CARF: variants seen among roughly 807,000 people sequenced by gnomAD.
CARF encodes the protein calcium-responsive transcription factor.
CARF carries 57 observed loss-of-function variants against 82.0 expected under a neutral mutation model. The ratio of observed to expected loss-of-function variants is 0.70; its 90% CI spans 0.56 to 0.87. The LOEUF (loss-of-function observed/expected upper bound fraction) is 0.87, where lower values mean the gene tolerates loss of function less well. Ranked by LOEUF, CARF falls within the 40% of genes least tolerant of loss-of-function variation. CARF has a pLI of 0.00. For synonymous variants in CARF, 268 were observed against 290.1 expected (o/e 0.92, Z 0.77); for missense variants, 771 against 855.8 (o/e 0.90, Z 1.24).
intron 3 of CARF, among the ~76,000 whole-genome samples, chr2:202,927,124 C>T (rs1452523219): frequency 2.0e-5 from 3 of 151,964 alleles, no homozygotes; most frequent in Admixed American, 6.6e-5. Context: ...CTTATTTGTG[C>T]TTTTTTTTCT....
intron 10 of CARF, among the ~76,000 whole-genome samples, chr2:202,969,485 G>T (rs1487752264): frequency 2.0e-5 from 3 of 152,166 alleles, no homozygotes; most frequent in Admixed American, 2.0e-4. Context: ...TGAGGCAGGA[G>T]AATCACTGGA....
chr2:202,960,306 A>G (rs536694579), intron 8 of CARF, among the ~76,000 whole-genome samples: 7 of 151,592 alleles, frequency 4.6e-5, no homozygotes, highest in East Asian at 2.0e-4. Flanking sequence ...CTGGAGCGCA[A>G]TGGCACAATC....
At position 202,986,881 on chromosome 2, in the gene CARF, T is replaced by TGTATATATAC. The variant is rs2060448417; in HGVS notation, c.*3257_*3258insGTATATATAC. On this transcript the variant is annotated 3_prime_UTR_variant, in exon 17 of 17. Coordinates refer to ENST00000438828, the MANE Select transcript of CARF (RefSeq NM_024744.17). Reference sequence around the variant, plus strand: ...AAATGTCTGTGCGTATATATATATATATATATATATATATATATATATATA... The same window carrying TGTATATATAC: ...AAATGTCTGTGCGTATATATATATATGTATATATACATATATATATATATATATATATATA... The TGTATATATAC allele has an allele frequency of 1.7e-5, 2 of 118,604 alleles. No individual in the cohort carries two copies. Among genetic ancestry groups the TGTATATATAC allele is most frequent in the Non-Finnish European group, 3.7e-5 (2 of 54,182 alleles). 7.3% of individuals were successfully genotyped at this position (118,604 alleles called of 1,614,324 possible). A position where few individuals can be genotyped will look rare whatever the true frequency, so the allele number is the denominator to read the frequency against.
At chr2:202,964,536 C>T (rs1268571492) in intron 9 of CARF, among the ~76,000 whole-genome samples, 1 of 152,080 alleles carries the variant, frequency 6.6e-6, no homozygotes, top group African/African-American at 2.4e-5. Context: ...CCACTTCAGC[C>T]TCCCAAAGTG....
In CARF at chr2:202,912,794, G is replaced by C. The variant is rs910575761; in HGVS notation, c.-638G>C. The C allele has an allele frequency of 6.6e-6, 1 of 151,668 alleles. No homozygotes were observed. The highest frequency in any genetic ancestry group is 2.4e-5 in the African/African-American group (1 of 41,346). 9.4% of individuals were successfully genotyped at this position (151,668 alleles called of 1,614,324 possible). On this transcript the variant is annotated 5_prime_UTR_variant, in exon 1 of 17. Transcript: ENST00000438828. ...CGCCCAATGTGTGGTCCCTCACGCCGTCCCGCACCTTGCTTTTTAGGGTTC... is the reference window on the plus strand; with the variant it reads ...CGCCCAATGTGTGGTCCCTCACGCCCTCCCGCACCTTGCTTTTTAGGGTTC...
chr2:202,981,874 T>C (rs1312677041), intron 15 of CARF, among the ~76,000 whole-genome samples, 189 bp downstream of exon 15: 1 of 152,250 alleles, frequency 6.6e-6, no homozygotes, highest in Non-Finnish European at 1.5e-5. Flanking sequence ...TTTTTAAAAG[T>C]TTAAAGTTGA....
intron 1 of CARF, among the ~76,000 whole-genome samples, chr2:202,913,663 T>G (rs1689078146): frequency 6.6e-6 from 1 of 152,234 alleles, no homozygotes; most frequent in African/African-American, 2.4e-5. Flanking sequence ...TAAATAAGTC[T>G]TGGGCATCTG....
intron 1 of CARF, among the ~76,000 whole-genome samples, chr2:202,915,626 C>T (rs752124234): frequency 6.6e-5 from 10 of 152,160 alleles, no homozygotes; most frequent in African/African-American, 9.7e-5. Flanking sequence ...CACGCCACCA[C>T]GCCCAGCTAA....
At chr2:202,952,821 T>G (rs1196513227) in intron 6 of CARF, 142 bp downstream of exon 6, 2 of 822,188 alleles carry the variant, frequency 2.4e-6, no homozygotes, top group Admixed American at 3.2e-5. Context: ...AACAGCTCTT[T>G]GCCCAAATAA....
At chr2:202,913,867 A>T (rs1689109331) in intron 1 of CARF, among the ~76,000 whole-genome samples, 1 of 152,226 alleles carries the variant, frequency 6.6e-6, no homozygotes, top group Non-Finnish European at 1.5e-5. Flanking sequence ...TTGATTTGAA[A>T]ATTATGATCA....
intron 12 of CARF, among the ~76,000 whole-genome samples, chr2:202,972,436 T>C (rs2059826762): frequency 6.6e-6 from 1 of 151,964 alleles, no homozygotes; most frequent in Non-Finnish European, 1.5e-5. Flanking sequence ...CCCAGCACTT[T>C]GGGAGTCCGA....
At position 202,912,864 on chromosome 2, in the gene CARF, G is replaced by GA. The variant is rs1282641874; in HGVS notation, c.-564dup. The GA allele has an allele frequency of 6.6e-6, 1 of 152,036 alleles. No individual in the cohort carries two copies. The highest frequency in any genetic ancestry group is 2.4e-5 in the African/African-American group (1 of 41,400). The allele number at this position is 152,036 out of a possible 1,614,324, so 9.4% of individuals were successfully genotyped here. On this transcript the variant is annotated 5_prime_UTR_variant, in exon 1 of 17. Coordinates refer to ENST00000438828, the MANE Select transcript of CARF (RefSeq NM_024744.17). ...CTTTTATACCTTACGTTTAGAAGGG[G>GA]AAAATCATCCTCCCACACCTTCTCC...
At chr2:202,919,585 G>C (rs1298045503) in intron 2 of CARF, among the ~76,000 whole-genome samples, 2 of 152,148 alleles carry the variant, frequency 1.3e-5, no homozygotes, top group Admixed American at 6.5e-5. Context: ...TTTTTTGTAT[G>C]TTACGGTACT....
chr2:202,924,979 C>G, intron 3 of CARF: 1 of 346,196 alleles, frequency 2.9e-6, no homozygotes. Context: ...CTTCCTGGAG[C>G]AGCAGAACAA....
At chr2:202,973,976 TA>T (rs2059922283) in intron 12 of CARF, among the ~76,000 whole-genome samples, 2 of 152,020 alleles carry the variant, frequency 1.3e-5, no homozygotes, top group Non-Finnish European at 2.9e-5. Flanking sequence ...TAGTCCCAGC[TA>T]CTCGGGAGGC....
chr2:202,936,518 C>A (rs1317953308), intron 3 of CARF, among the ~76,000 whole-genome samples: 1 of 152,134 alleles, frequency 6.6e-6, no homozygotes, highest in South Asian at 2.1e-4. Flanking sequence ...TAAATAGAAT[C>A]ATATAATATG....
At chr2:202,954,243 G>A in intron 7 of CARF, 109 bp downstream of exon 7, 3 of 1,253,870 alleles carry the variant, frequency 2.4e-6, no homozygotes, top group South Asian at 3.5e-5. Flanking sequence ...AAGATAGAAG[G>A]AACTATCATT....
intron 2 of CARF, among the ~76,000 whole-genome samples, chr2:202,919,911 A>G (rs1222104021): frequency 6.8e-6 from 1 of 147,636 alleles, no homozygotes; most frequent in Non-Finnish European, 1.5e-5. Flanking sequence ...AGCATTGTCA[A>G]AAGGGTTAAA....
rs1394618462 is a variant in CARF at position 202,986,901 on chromosome 2, T to TATATACATATATATATATATATAC, written c.*3282_*3283insCATATATATATATATATACATATA. 21 of 137,274 alleles carry TATATACATATATATATATATATAC rather than the reference T, an allele frequency of 1.5e-4. No individual in the cohort carries two copies. Among genetic ancestry groups the TATATACATATATATATATATATAC allele is most frequent in the East Asian group, 4.1e-4 (2 of 4,866 alleles). The allele number at this position is 137,274 out of a possible 1,614,324, so 8.5% of individuals were successfully genotyped here. A position where few individuals can be genotyped will look rare whatever the true frequency, so the allele number is the denominator to read the frequency against. ...ATATATATATATATATATATATATA[T>TATATACATATATATATATATATAC]ATATATAGCAACTTGATGTATAGTG... On this transcript the variant is annotated 3_prime_UTR_variant, in exon 17 of 17. Transcript: ENST00000438828.
Sources: gnomAD v4.1 joint callset for allele counts (sites outside exome capture counted in the v4.1 genomes callset) on GRCh38, gnomAD v4.1.1 for gene constraint, MANE v1.5 for transcripts, NCBI Gene and HGNC (gene_info 2026-07-23, HGNC 2026-07-21) for gene names.